Variants in TSPEAR observed in about 807,000 individuals in gnomAD.
TSPEAR encodes thrombospondin type laminin G domain and EAR repeats.
Under a neutral mutation model 71.6 loss-of-function variants are expected in TSPEAR, and 69 were observed. That is an observed-to-expected ratio of 0.96 (90% CI 0.79 to 1.18). The LOEUF (loss-of-function observed/expected upper bound fraction) is 1.18. Among genes scored for constraint, TSPEAR ranks in the 50% most tolerant of loss-of-function variants. TSPEAR has a pLI of 0.00. For synonymous variants in TSPEAR, 402 were observed against 387.2 expected, an observed-to-expected ratio of 1.04 and a Z score of -0.45; for missense variants, 971 against 894.9, an observed-to-expected ratio of 1.09 and a Z score of -1.09.
chr21:44,589,853 T>G (rs1979640170), intron 1 of TSPEAR, among the ~76,000 whole-genome samples: 1 of 152,168 alleles, frequency 6.6e-6, no homozygotes. Flanking sequence ...CACGCATGTG[T>G]GGGGAGCCCC....
At chr21:44,639,114 CA>C (rs1227168061) in intron 1 of TSPEAR, among the ~76,000 whole-genome samples, 2 of 152,222 alleles carry the variant, frequency 1.3e-5, no homozygotes, top group Non-Finnish European at 2.9e-5. Context: ...CCCCCTGCCC[CA>C]TGCGGCCTCA....
At chr21:44,699,812 C>T (rs1049239028) in intron 1 of TSPEAR, among the ~76,000 whole-genome samples, 1 of 152,200 alleles carries the variant, frequency 6.6e-6, no homozygotes, top group African/African-American at 2.4e-5. Context: ...GCCCCCAGAC[C>T]GAAGGGAAGC....
intron 1 of TSPEAR, among the ~76,000 whole-genome samples, chr21:44,688,481 G>A (rs1423561771): frequency 6.6e-6 from 1 of 152,186 alleles, no homozygotes; most frequent in Admixed American, 6.5e-5. Flanking sequence ...AGCACTTTGG[G>A]AGGCCGAGGA....
intron 1 of TSPEAR, among the ~76,000 whole-genome samples, chr21:44,689,545 A>C (rs892646198): frequency 6.6e-6 from 1 of 151,122 alleles, no homozygotes; most frequent in Non-Finnish European, 1.5e-5. Context: ...GATATTCAGG[A>C]AGATGTTACA....
intron 1 of TSPEAR, among the ~76,000 whole-genome samples, chr21:44,580,842 C>T (rs1022746611): frequency 6.6e-6 from 1 of 152,054 alleles, no homozygotes; most frequent in Non-Finnish European, 1.5e-5. Flanking sequence ...GTTGCAGGGC[C>T]GTGTTTCTTC....
chr21:44,647,708 T>C, intron 1 of TSPEAR: 1 of 332,728 alleles, frequency 3.0e-6, no homozygotes, highest in Non-Finnish European at 5.9e-6. Flanking sequence ...ACTCCAAATT[T>C]GGGGTGTGGG....
chr21:44,645,881 T>C (rs1407499840), intron 1 of TSPEAR, among the ~76,000 whole-genome samples: 1 of 151,802 alleles, frequency 6.6e-6, no homozygotes, highest in Non-Finnish European at 1.5e-5. Context: ...GGCTCACGCC[T>C]GTAATCCCAG....
intron 1 of TSPEAR, among the ~76,000 whole-genome samples, chr21:44,662,968 T>C (rs1022547970): frequency 6.6e-6 from 1 of 151,518 alleles, no homozygotes; most frequent in Non-Finnish European, 1.5e-5. Flanking sequence ...TAAAATAGTG[T>C]TTAGAGGGAT....
intron 1 of TSPEAR, among the ~76,000 whole-genome samples, chr21:44,660,914 C>T (rs587703220): frequency 1.1e-3 from 166 of 151,870 alleles, no homozygotes; most frequent in African/African-American, 3.8e-3. Flanking sequence ...TTGCAGTGAG[C>T]CAAGATCGCA....
chr21:44,559,313 G>A (rs2053599443), intron 2 of TSPEAR, among the ~76,000 whole-genome samples: 1 of 152,206 alleles, frequency 6.6e-6, no homozygotes, highest in East Asian at 1.9e-4. Flanking sequence ...TATTTCTGCT[G>A]GGGGTGAGCC....
At chr21:44,518,575 A>G (rs782040286) in intron 9 of TSPEAR, 1 of 460,092 alleles carries the variant, frequency 2.2e-6, no homozygotes, top group Admixed American at 2.4e-5. Flanking sequence ...AACAGCTGTT[A>G]GGAGACCTTG....
rs190632854 is a variant in TSPEAR at position 44,691,235 on chromosome 21, G to A, written c.82+20198C>T. On this transcript the variant is annotated intron_variant, in intron 1 of 11. Transcript: ENST00000323084. ...CTCTCCCCAAGCTCTAAGAGATTAC[G>A]GAATTAGCATGTGCATCATTAGGCC... Among the ~76,000 whole-genome samples the A allele has an allele frequency of 1.6e-3, 247 of 152,236 alleles. 2 individuals are homozygous for A. The highest frequency in any genetic ancestry group is 5.7e-3 in the African/African-American group (237 of 41,524).
At chr21:44,552,864 C>T (rs1035134777) in intron 2 of TSPEAR, among the ~76,000 whole-genome samples, 3 of 151,922 alleles carry the variant, frequency 2.0e-5, no homozygotes, top group Non-Finnish European at 4.4e-5. Flanking sequence ...CCCCTCCGAC[C>T]TCTCAGGGGT....
chr21:44,618,859 T>G (rs1555933002), intron 1 of TSPEAR, among the ~76,000 whole-genome samples: 1 of 152,032 alleles, frequency 6.6e-6, no homozygotes, highest in African/African-American at 2.4e-5. Context: ...AAGTCAAAAA[T>G]TTTCAGTTGG....
intron 1 of TSPEAR, among the ~76,000 whole-genome samples, chr21:44,707,983 TC>T (rs1205244985): frequency 1.3e-4 from 12 of 93,944 alleles, no homozygotes; most frequent in East Asian, 2.8e-4. Flanking sequence ...GCCCCCCGAT[TC>T]CCCCCCTCCC....
In TSPEAR at chr21:44,654,453, G is replaced by A. The variant is rs782520503; in HGVS notation, c.82+56980C>T. On this transcript the variant is annotated intron_variant, in intron 1 of 11. Transcript: ENST00000323084. ...GCACACAGCAGGCTGGCTGGCAGCA[G>A]GTGGATACCCCACACAGGGGCCGGC... 1.3e-5 allele frequency: 21 copies of A among 1,613,922 alleles called. No individual in the cohort carries two copies. The Admixed American group carries it at 3.5e-4, about 27-fold the overall frequency.
chr21:44,676,110 C>T, intron 1 of TSPEAR: 1 of 878,308 alleles, frequency 1.1e-6, no homozygotes. Context: ...GATCAGAGCT[C>T]TGCAGCTTCA....
Position 44,527,421 on chromosome 21 carries a change from G to C in TSPEAR, c.1020C>G (p.Leu340=). 1 of 1,614,238 alleles carries C rather than the reference G, an allele frequency of 6.2e-7. No homozygotes were observed. Among genetic ancestry groups the C allele is most frequent in the African/African-American group, 1.3e-5 (1 of 75,072 alleles). Reference sequence around the variant, plus strand: ...CTTTGCGATTGGCTGTGGCCACAAAGAGCCCCACCTGAGGGATGCGGAACA... The same window carrying C: ...CTTTGCGATTGGCTGTGGCCACAAACAGCCCCACCTGAGGGATGCGGAACA... ...IEVFRIPQVG[L]FVATANRKAT... The change falls in exon 7 of 12, where the codon CTC becomes CTG. Residue 340 remains leucine, a synonymous_variant. Coordinates refer to ENST00000323084, the MANE Select transcript of TSPEAR (RefSeq NM_144991.3).
chr21:44,626,243 G>A (rs1434040579), intron 1 of TSPEAR, among the ~76,000 whole-genome samples: 1 of 152,206 alleles, frequency 6.6e-6, no homozygotes, highest in Non-Finnish European at 1.5e-5. Flanking sequence ...AGTGATCAGG[G>A]CCATTTTATA....
Sources: allele counts gnomAD v4.1 joint callset (sites outside exome capture counted in the v4.1 genomes callset), GRCh38; gene constraint gnomAD v4.1.1; transcripts MANE v1.5; gene names NCBI Gene and HGNC (gene_info 2026-07-23, HGNC 2026-07-21).